The following BBOX1 variants were observed in gnomAD, a reference collection of about 807,000 sequenced individuals.
The protein encoded by BBOX1 is gamma-butyrobetaine hydroxylase 1.
BBOX1 carries 35 observed loss-of-function variants against 41.6 expected under a neutral mutation model. The ratio of observed to expected loss-of-function variants is 0.84; its 90% CI spans 0.64 to 1.11. The LOEUF is 1.11. BBOX1 is among the 50% of genes most tolerant of loss of function. BBOX1 has a pLI of 0.00. For synonymous variants in BBOX1, 163 were observed against 154.7 expected, an observed-to-expected ratio of 1.05 and a Z score of -0.40; for missense variants, 458 against 460.6, an observed-to-expected ratio of 0.99 and a Z score of 0.05.
intron 7 of BBOX1, among the ~76,000 whole-genome samples, chr11:27,123,315 T>G (rs533393911): frequency 6.6e-6 from 1 of 152,118 alleles, no homozygotes; most frequent in Non-Finnish European, 1.5e-5. Context: ...TGATTTTCAT[T>G]ACATTTATTA....
chr11:27,067,436 C>A (rs894079295), intron 4 of BBOX1, among the ~76,000 whole-genome samples: 1 of 151,896 alleles, frequency 6.6e-6, no homozygotes, highest in Non-Finnish European at 1.5e-5. Context: ...CTTTTGCATA[C>A]CCATAGTTGA....
intron 2 of BBOX1, among the ~76,000 whole-genome samples, chr11:27,049,331 T>C (rs1851597130): frequency 6.6e-6 from 1 of 152,188 alleles, no homozygotes. Context: ...TGATAATTGA[T>C]AGCATTTTTA....
At chr11:27,094,053 C>A (rs1032521892) in intron 5 of BBOX1, among the ~76,000 whole-genome samples, 1 of 151,788 alleles carries the variant, frequency 6.6e-6, no homozygotes, top group African/African-American at 2.4e-5. Context: ...TAAAGTTGGG[C>A]CCTGAGAAAT....
At chr11:27,068,788 G>A (rs1172048632) in intron 4 of BBOX1, among the ~76,000 whole-genome samples, 2 of 151,772 alleles carry the variant, frequency 1.3e-5, no homozygotes, top group Non-Finnish European at 2.9e-5. Flanking sequence ...TCTTCTATAT[G>A]TCGCTATTCA....
At chr11:27,126,035 C>A (rs970087470) in intron 8 of BBOX1, among the ~76,000 whole-genome samples, 2 of 152,148 alleles carry the variant, frequency 1.3e-5, no homozygotes, top group Non-Finnish European at 2.9e-5. Flanking sequence ...ATAGAAATAT[C>A]CTCATGATTC....
intron 6 of BBOX1, among the ~76,000 whole-genome samples, chr11:27,117,874 G>A (rs1859324265): frequency 1.3e-5 from 2 of 151,856 alleles, no homozygotes; most frequent in Admixed American, 1.3e-4. Context: ...TATGTCAGAT[G>A]AGAAAATGAA....
intron 2 of BBOX1, among the ~76,000 whole-genome samples, chr11:27,041,941 TTTG>T (rs923264964): frequency 6.6e-6 from 1 of 152,186 alleles, no homozygotes; most frequent in Non-Finnish European, 1.5e-5. Context: ...ACCCTAGCTC[TTTG>T]TTAAGCTCAA....
chr11:27,048,198 TCGGATCTC>T (rs1280734652), intron 2 of BBOX1, among the ~76,000 whole-genome samples: 1 of 152,130 alleles, frequency 6.6e-6, no homozygotes, highest in East Asian at 1.9e-4. Flanking sequence ...ATATTGTACA[TCGGATCTC>T]CAGAATTTAT....
intron 4 of BBOX1, among the ~76,000 whole-genome samples, chr11:27,068,534 A>T (rs769308427): frequency 6.6e-6 from 1 of 150,600 alleles, no homozygotes; most frequent in South Asian, 2.1e-4. Context: ...TACTCTGGTA[A>T]TTTTTTTTTC....
chr11:27,072,477 G>T (rs140140660), intron 4 of BBOX1, among the ~76,000 whole-genome samples: 2 of 152,100 alleles, frequency 1.3e-5, no homozygotes, highest in Non-Finnish European at 2.9e-5. Flanking sequence ...AATCAATATC[G>T]TGAAAATGGC....
intron 5 of BBOX1, among the ~76,000 whole-genome samples, chr11:27,099,291 G>T (rs1475068560): frequency 6.6e-6 from 1 of 151,844 alleles, no homozygotes; most frequent in Non-Finnish European, 1.5e-5. Flanking sequence ...TTATTTGCTG[G>T]CACCAACAAG....
At chr11:27,125,436 C>T (rs1031491879) in intron 7 of BBOX1, among the ~76,000 whole-genome samples, 5 of 151,722 alleles carry the variant, frequency 3.3e-5, no homozygotes, top group African/African-American at 1.2e-4. Context: ...GTTGAGTTCT[C>T]CTGGTACTGA....
chr11:27,057,590 C>A (rs1857024377), intron 4 of BBOX1, among the ~76,000 whole-genome samples: 1 of 152,124 alleles, frequency 6.6e-6, no homozygotes, highest in Admixed American at 6.5e-5. Flanking sequence ...GCACAGCATA[C>A]CACAGACACT....
intron 4 of BBOX1, among the ~76,000 whole-genome samples, chr11:27,076,690 G>A (rs1857642201): frequency 6.6e-6 from 1 of 152,158 alleles, no homozygotes; most frequent in Non-Finnish European, 1.5e-5. Flanking sequence ...ACAAAGCCAG[G>A]TAGGGGCTGG....
At chr11:27,057,092 A>AAAC in intron 3 of BBOX1, 109 bp from the exon 4 acceptor site, 1 of 395,134 alleles carries the variant, frequency 2.5e-6, no homozygotes, top group Non-Finnish European at 4.3e-6. Context: ...AAAATTAAGC[A>AAAC]AAGCATAATT....
At position 27,127,558 on chromosome 11, in the gene BBOX1, AACAATGAACATGTAACTTCTCTC is replaced by A; in HGVS notation, c.*110_*132del. On this transcript the variant is annotated 3_prime_UTR_variant, in exon 9 of 9. Coordinates refer to ENST00000263182, the MANE Select transcript of BBOX1 (RefSeq NM_003986.3). ...TTTGTGATTTACATATAATTTCCTT[AACAATGAACATGTAACTTCTCTC>A]ACAAGAGTACTCTTTACTTTGTAAT... is the stretch of plus-strand genomic sequence containing the variant. 7.8e-7 allele frequency: 1 copy of A among 1,283,408 alleles called. No individual in the cohort carries two copies. The highest frequency in any genetic ancestry group is 1.1e-6 in the Non-Finnish European group (1 of 938,428). The allele number at this position is 1,283,408 out of a possible 1,614,324, so 79.5% of individuals were successfully genotyped here.
At chr11:27,095,472 T>C (rs1006956343) in intron 5 of BBOX1, among the ~76,000 whole-genome samples, 1 of 152,010 alleles carries the variant, frequency 6.6e-6, no homozygotes, top group African/African-American at 2.4e-5. Flanking sequence ...AAAGGTCTGT[T>C]GTCAAAACAA....
At chr11:27,077,011 T>C (rs1857654364) in intron 4 of BBOX1, among the ~76,000 whole-genome samples, 1 of 152,004 alleles carries the variant, frequency 6.6e-6, no homozygotes, top group Non-Finnish European at 1.5e-5. Context: ...TCTCACCCCT[T>C]CCAGTCCACC....
At chr11:27,083,578 T>G (rs1367095759) in intron 4 of BBOX1, among the ~76,000 whole-genome samples, 2 of 152,128 alleles carry the variant, frequency 1.3e-5, no homozygotes, top group East Asian at 1.9e-4. Flanking sequence ...TAGCTTCTCT[T>G]TAGCTTGGTG....
Sources: gnomAD v4.1 joint callset for allele counts (sites outside exome capture counted in the v4.1 genomes callset) on GRCh38, gnomAD v4.1.1 for gene constraint, MANE v1.5 for transcripts, NCBI Gene and HGNC (gene_info 2026-07-23, HGNC 2026-07-21) for gene names.